The following NRXN3 variants were observed in gnomAD, a reference collection of about 807,000 sequenced individuals.
NRXN3 encodes the protein neurexin 3, also known as neurexin III.
NRXN3 carries 32 observed loss-of-function variants against 137.6 expected under a neutral mutation model. The ratio of observed to expected loss-of-function variants is 0.23; its 90% confidence interval spans 0.18 to 0.31. The LOEUF (loss-of-function observed/expected upper bound fraction) is 0.31, where lower values mean the gene tolerates loss of function less well. NRXN3 is among the 10% of genes least tolerant of loss of function. The pLI, the probability that NRXN3 is intolerant of heterozygous loss-of-function variation, is 1.00. For synonymous variants in NRXN3, 798 were observed against 784.5 expected (o/e 1.02, Z -0.29); for missense variants, 1,574 against 2,062.5 (o/e 0.76, Z 4.59).
intron 16 of NRXN3, among the ~76,000 whole-genome samples, chr14:79,526,788 G>T (rs2097124464): frequency 6.6e-6 from 1 of 152,124 alleles, no homozygotes. Context: ...GAACGTGAGA[G>T]ACACTTATTG....
intron 4 of NRXN3, among the ~76,000 whole-genome samples, chr14:78,388,129 G>A (rs2090244374): frequency 6.6e-6 from 1 of 152,194 alleles, no homozygotes; most frequent in African/African-American, 2.4e-5. Context: ...GCGCAGGTGG[G>A]ATGGATATTA....
intron 10 of NRXN3, among the ~76,000 whole-genome samples, chr14:78,821,724 C>T (rs756620016): frequency 2.0e-5 from 3 of 151,890 alleles, no homozygotes; most frequent in Non-Finnish European, 2.9e-5. Flanking sequence ...GCCACTGGGC[C>T]GGTTATCTCT....
chr14:79,101,799 G>A (rs116462343), intron 15 of NRXN3, among the ~76,000 whole-genome samples: 11 of 152,148 alleles, frequency 7.2e-5, no homozygotes, highest in African/African-American at 2.4e-4. Flanking sequence ...TAAAATGGAA[G>A]CTAAGATGGG....
chr14:78,694,315 G>A (rs562847841), intron 6 of NRXN3, among the ~76,000 whole-genome samples: 70 of 152,078 alleles, frequency 4.6e-4, no homozygotes, highest in African/African-American at 1.6e-3. Flanking sequence ...ATAAATGTGT[G>A]TATGTCTGTT....
intron 16 of NRXN3, among the ~76,000 whole-genome samples, chr14:79,633,801 A>T (rs1399011324): frequency 6.6e-6 from 1 of 152,204 alleles, no homozygotes; most frequent in Non-Finnish European, 1.5e-5. Flanking sequence ...TCCTGGAAAG[A>T]TAGAGCCAGA....
intron 4 of NRXN3, among the ~76,000 whole-genome samples, chr14:78,498,619 C>A (rs2095828985): frequency 6.6e-6 from 1 of 152,104 alleles, no homozygotes; most frequent in Non-Finnish European, 1.5e-5. Flanking sequence ...GTGGTGCATA[C>A]ACTTATATTT....
intron 14 of NRXN3, among the ~76,000 whole-genome samples, chr14:78,986,264 G>C (rs1318016006): frequency 6.6e-6 from 1 of 152,124 alleles, no homozygotes; most frequent in Non-Finnish European, 1.5e-5. Context: ...TAATACATTT[G>C]GTGAGTCAAA....
intron 19 of NRXN3, among the ~76,000 whole-genome samples, chr14:79,716,810 C>A (rs942650613): frequency 2.0e-5 from 3 of 152,148 alleles, no homozygotes; most frequent in African/African-American, 7.2e-5. Context: ...CATGCCTACG[C>A]TGGAGATTAT....
chr14:78,613,578 GTTTTTTTTTTTTT>G (rs57745190), intron 4 of NRXN3, among the ~76,000 whole-genome samples: 10 of 95,126 alleles, frequency 1.1e-4, no homozygotes, highest in Admixed American at 2.2e-4. Flanking sequence ...CACAACCATA[GTTTTTTTTTTTTT>G]TTTTTTTTTT....
chr14:79,702,998 C>G (rs139043233), intron 19 of NRXN3, among the ~76,000 whole-genome samples: 42 of 151,672 alleles, frequency 2.8e-4, no homozygotes, highest in African/African-American at 9.2e-4. Flanking sequence ...TTGCAGGATA[C>G]TGATCATGAC....
intron 19 of NRXN3, among the ~76,000 whole-genome samples, chr14:79,726,826 A>G (rs1316288879): frequency 1.3e-5 from 2 of 152,160 alleles, no homozygotes; most frequent in African/African-American, 2.4e-5. Context: ...TCAGGTTCAT[A>G]TAGTATGACA....
chr14:78,232,701 T>C (rs1029233703), intron 1 of NRXN3, among the ~76,000 whole-genome samples: 1 of 152,142 alleles, frequency 6.6e-6, no homozygotes, highest in Non-Finnish European at 1.5e-5. Context: ...TGTAAAGAAT[T>C]CACTGGCTTT....
intron 15 of NRXN3, among the ~76,000 whole-genome samples, chr14:79,287,933 T>C (rs1239662308): frequency 6.6e-6 from 1 of 152,188 alleles, no homozygotes; most frequent in Non-Finnish European, 1.5e-5. Context: ...CCTTTTCATA[T>C]CTTCATCATT....
intron 20 of NRXN3, among the ~76,000 whole-genome samples, chr14:79,860,625 G>A (rs1006223462): frequency 6.6e-6 from 1 of 152,160 alleles, no homozygotes; most frequent in African/African-American, 2.4e-5. Context: ...ATCCCAAGAA[G>A]GCAATAAAGA....
At chr14:79,784,804 A>G (rs911214010) in intron 19 of NRXN3, among the ~76,000 whole-genome samples, 6 of 151,940 alleles carry the variant, frequency 3.9e-5, no homozygotes, top group Admixed American at 6.6e-5. Context: ...GCACACACAC[A>G]TACACACATG....
chr14:79,807,165 G>T (rs1054960257), intron 20 of NRXN3, among the ~76,000 whole-genome samples: 1 of 150,796 alleles, frequency 6.6e-6, no homozygotes, highest in South Asian at 2.1e-4. Flanking sequence ...GTACAAATGC[G>T]GTTCTCACCA....
intron 15 of NRXN3, among the ~76,000 whole-genome samples, chr14:79,290,828 A>G (rs1407482384): frequency 6.6e-6 from 1 of 152,168 alleles, no homozygotes; most frequent in East Asian, 1.9e-4. Context: ...TAATAGAGGA[A>G]CTCCAATTGC....
At chr14:79,108,704 C>G (rs753269321) in intron 15 of NRXN3, among the ~76,000 whole-genome samples, 23 of 152,076 alleles carry the variant, frequency 1.5e-4, no homozygotes, top group Non-Finnish European at 2.9e-4. Context: ...TGAATGAACT[C>G]TCTGCTTCTA....
chr14:79,781,754 C>T (rs2140107464), intron 19 of NRXN3, among the ~76,000 whole-genome samples: 1 of 152,290 alleles, frequency 6.6e-6, no homozygotes, highest in African/African-American at 2.4e-5. Context: ...CAACTCCTGC[C>T]ACCACCAAAG....
Sources: gnomAD v4.1 joint callset for allele counts (sites outside exome capture counted in the v4.1 genomes callset) on GRCh38, gnomAD v4.1.1 for gene constraint, MANE v1.5 for transcripts, NCBI Gene and HGNC (gene_info 2026-07-23, HGNC 2026-07-21) for gene names.